The following MACROD2 variants were observed in gnomAD, a reference collection of about 807,000 sequenced individuals.
The protein encoded by MACROD2 is mono-ADP ribosylhydrolase 2.
Under a neutral mutation model 70.4 loss-of-function variants are expected in MACROD2, and 36 were observed. The ratio of observed to expected loss-of-function variants is 0.51; its 90% CI spans 0.39 to 0.68. MACROD2 has a LOEUF of 0.68. Among genes scored for constraint, MACROD2 ranks in the 30% least tolerant of loss-of-function variants. The pLI is 0.00. For missense variants in MACROD2, 496 were observed against 538.4 expected, an observed-to-expected ratio of 0.92 and a Z score of 0.78; for synonymous variants, 172 against 178.8, an observed-to-expected ratio of 0.96 and a Z score of 0.30.
chr20:15,914,978 G>A (rs1054573778), intron 10 of MACROD2, among the ~76,000 whole-genome samples: 1 of 152,124 alleles, frequency 6.6e-6, no homozygotes, highest in Admixed American at 6.5e-5. Flanking sequence ...ACAGCCAGAT[G>A]AAGCAGTGCA....
At chr20:15,296,524 CAGAG>C (rs1045746958) in intron 6 of MACROD2, among the ~76,000 whole-genome samples, 1 of 152,042 alleles carries the variant, frequency 6.6e-6, no homozygotes, top group Non-Finnish European at 1.5e-5. Context: ...CAAAAAATAA[CAGAG>C]AGAGGGAAGT....
chr20:15,968,801 A>G (rs1451534481), intron 13 of MACROD2, among the ~76,000 whole-genome samples: 9 of 3,170 alleles, frequency 2.8e-3, no homozygotes, highest in Non-Finnish European at 4.1e-3. Context: ...TTATGCGTAT[A>G]TATATATATA....
intron 6 of MACROD2, among the ~76,000 whole-genome samples, chr20:15,231,384 C>G (rs1306197214): frequency 6.6e-6 from 1 of 151,930 alleles, no homozygotes; most frequent in East Asian, 1.9e-4. Context: ...AAAATCAAAA[C>G]AGGTATGCAC....
rs560817190 is a variant in MACROD2, at chr20:14,715,565, C to T, written c.418+30606C>T. ...GCCTCTTGTGCTTCCAACCTAAATG[C>T]AGGCAAACGTCCTGTTGGTATGTAA... is the stretch of plus-strand genomic sequence containing the variant. On this transcript the variant is annotated intron_variant, in intron 5 of 17. Transcript: ENST00000684519. 2.1e-3 allele frequency among the ~76,000 whole-genome samples: 326 copies of T among 152,252 alleles called. 1 individual carries two copies. The highest frequency in any genetic ancestry group is 0.01 in the Middle Eastern group (3 of 294).
At chr20:14,239,951 C>T (rs2081914173) in intron 3 of MACROD2, among the ~76,000 whole-genome samples, 1 of 152,122 alleles carries the variant, frequency 6.6e-6, no homozygotes, top group African/African-American at 2.4e-5. Context: ...GCTCTTATAT[C>T]CGGAATCTAT....
At chr20:15,113,806 G>A (rs2075973586) in intron 5 of MACROD2, among the ~76,000 whole-genome samples, 1 of 151,050 alleles carries the variant, frequency 6.6e-6, no homozygotes, top group East Asian at 1.9e-4. Context: ...GTGTGCTGGA[G>A]GGGTTTTTCA....
chr20:15,285,659 C>T (rs2077484321), intron 6 of MACROD2, among the ~76,000 whole-genome samples: 1 of 152,128 alleles, frequency 6.6e-6, no homozygotes, highest in South Asian at 2.1e-4. Flanking sequence ...ACCTCATTAA[C>T]ACATCATGAG....
At chr20:15,460,977 C>CATATAT (rs1157335873) in intron 7 of MACROD2, among the ~76,000 whole-genome samples, 20 of 69,750 alleles carry the variant, frequency 2.9e-4, no homozygotes, top group African/African-American at 9.1e-4. Flanking sequence ...TCTCTCTCTC[C>CATATAT]ATATATATAT....
intron 5 of MACROD2, among the ~76,000 whole-genome samples, chr20:15,026,790 T>C (rs992261042): frequency 6.6e-6 from 1 of 152,088 alleles, no homozygotes; most frequent in Non-Finnish European, 1.5e-5. Flanking sequence ...AACATGCCAA[T>C]ACGCATTCAG....
At chr20:15,065,772 TTTAAA>T (rs1242411452) in intron 5 of MACROD2, among the ~76,000 whole-genome samples, 1 of 152,242 alleles carries the variant, frequency 6.6e-6, no homozygotes, top group African/African-American at 2.4e-5. Flanking sequence ...TGAGAATTCT[TTTAAA>T]TTAAATTTAC....
intron 5 of MACROD2, among the ~76,000 whole-genome samples, chr20:14,864,560 T>TA (rs1422261829): frequency 1.3e-5 from 2 of 152,170 alleles, no homozygotes; most frequent in Non-Finnish European, 2.9e-5. Flanking sequence ...AGTTGTTAGA[T>TA]AACTAATACT....
At chr20:14,676,907 TAAA>T (rs1168237481) in intron 4 of MACROD2, among the ~76,000 whole-genome samples, 6 of 152,124 alleles carry the variant, frequency 3.9e-5, no homozygotes, top group Admixed American at 3.9e-4. Context: ...CCCATAGAAA[TAAA>T]AACTACCACA....
rs961572628 is a variant in MACROD2 at position 14,152,109 on chromosome 20, C to T, written c.271+66381C>T. 2.6e-5 allele frequency among the ~76,000 whole-genome samples: 4 copies of T among 152,110 alleles called. No individual in the cohort carries two copies. The South Asian group carries it at 8.3e-4, about 32-fold the overall frequency. On this transcript the variant is annotated intron_variant, in intron 3 of 17. Coordinates refer to ENST00000684519, the MANE Select transcript of MACROD2 (RefSeq NM_001351661.2). ...GTGCTGGGATTACAGGCGTGAGCCA[C>T]CACGCCCAGCCTGTTGTCTTGTATC...
chr20:14,439,157 C>A (rs973963963), intron 3 of MACROD2, among the ~76,000 whole-genome samples: 1 of 152,102 alleles, frequency 6.6e-6, no homozygotes, highest in African/African-American at 2.4e-5. Context: ...GTTGAGGAGA[C>A]TATTTTTTCC....
chr20:15,976,199 T>C (rs1339257), intron 13 of MACROD2, among the ~76,000 whole-genome samples: 13,024 of 152,236 alleles, frequency 0.086, 685 homozygotes, highest in East Asian at 0.25. Context: ...TAGACTGATG[T>C]CCCCAGACCA....
intron 3 of MACROD2, among the ~76,000 whole-genome samples, chr20:14,224,269 T>TC (rs1235292941): frequency 4.6e-5 from 7 of 152,190 alleles, no homozygotes; most frequent in African/African-American, 1.7e-4. Context: ...TTATATAGTA[T>TC]CCCAGCCCTA....
chr20:15,597,571 C>T (rs923213030), intron 8 of MACROD2, among the ~76,000 whole-genome samples: 9 of 152,144 alleles, frequency 5.9e-5, no homozygotes, highest in South Asian at 2.1e-4. Context: ...AGAGCAGACA[C>T]GTCACCTGTA....
At chr20:14,617,491 T>G (rs1035256467) in intron 4 of MACROD2, among the ~76,000 whole-genome samples, 1 of 152,124 alleles carries the variant, frequency 6.6e-6, no homozygotes, top group African/African-American at 2.4e-5. Flanking sequence ...AACCATTCTC[T>G]ATGTATTAGG....
At position 14,816,561 on chromosome 20, in the gene MACROD2, A is replaced by G. The variant is rs977841632; in HGVS notation, c.418+131602A>G. Among the ~76,000 whole-genome samples, 4 of 152,210 alleles carry G rather than the reference A, an allele frequency of 2.6e-5. No individual in the cohort carries two copies. In the East Asian group the frequency reaches 7.7e-4, roughly 29 times the overall value. On this transcript the variant is annotated intron_variant, in intron 5 of 17. Coordinates refer to ENST00000684519, the MANE Select transcript of MACROD2 (RefSeq NM_001351661.2). ...ATTGATCACATTTCCTCAATTTCTA[A>G]CATAGAGCAGAACCACTTTCATATT...
Sources: allele counts gnomAD v4.1 joint callset (sites outside exome capture counted in the v4.1 genomes callset), GRCh38; gene constraint gnomAD v4.1.1; transcripts MANE v1.5; gene names NCBI Gene and HGNC (gene_info 2026-07-23, HGNC 2026-07-21).